Variants in NPSR1 observed in about 807,000 individuals in gnomAD.
NPSR1 encodes neuropeptide S receptor.
Under a neutral mutation model 46.9 loss-of-function variants are expected in NPSR1, and 48 were observed. The observed-to-expected ratio is 1.02, with a 90% CI of 0.81 to 1.30. The LOEUF is 1.30. Among genes scored for constraint, NPSR1 ranks in the 50% most tolerant of loss-of-function variants. NPSR1 has a pLI of 0.00. For synonymous variants in NPSR1, 176 were observed against 168.1 expected, an observed-to-expected ratio of 1.05 and a Z score of -0.36; for missense variants, 450 against 449.5, an observed-to-expected ratio of 1.00 and a Z score of -0.01.
chr7:34,850,649 C>G (rs1790909889), downstream of NPSR1, among the ~76,000 whole-genome samples: 2 of 152,148 alleles, frequency 1.3e-5, no homozygotes, highest in African/African-American at 4.8e-5. Context: ...ATCTGCCTGC[C>G]TTGGCCTCCC....
chr7:34,780,176 T>C (rs1224809212), intron 3 of NPSR1, among the ~76,000 whole-genome samples: 3 of 152,198 alleles, frequency 2.0e-5, no homozygotes, highest in Non-Finnish European at 4.4e-5. Flanking sequence ...CATATGATTA[T>C]TTTGGTTGTA....
intron 1 of NPSR1, among the ~76,000 whole-genome samples, chr7:34,663,079 G>GTGTGTGTGTT (rs1554301936): frequency 2.9e-5 from 2 of 68,060 alleles, no homozygotes; most frequent in Non-Finnish European, 2.8e-5. Context: ...GTGTGTGTGT[G>GTGTGTGTGTT]TGTATGTGTG....
At chr7:34,782,940 T>C (rs1417889929) in intron 3 of NPSR1, among the ~76,000 whole-genome samples, 3 of 152,160 alleles carry the variant, frequency 2.0e-5, no homozygotes, top group African/African-American at 4.8e-5. Context: ...ACTGAAATTA[T>C]TTTTTAATTA....
chr7:34,677,469 A>T (rs1792376907), intron 1 of NPSR1, among the ~76,000 whole-genome samples: 2 of 152,296 alleles, frequency 1.3e-5, no homozygotes, highest in African/African-American at 4.8e-5. Context: ...GAGTTCACTG[A>T]TTTTATTCTC....
chr7:34,849,319 A>G (rs1790857070), intron 8 of NPSR1: 2 of 1,541,644 alleles, frequency 1.3e-6, no homozygotes, highest in African/African-American at 2.7e-5. Flanking sequence ...CATCTGTAAA[A>G]CAGGGCTAAT....
intron 3 of NPSR1, among the ~76,000 whole-genome samples, chr7:34,799,213 C>T (rs1562738182): frequency 6.6e-6 from 1 of 151,902 alleles, no homozygotes; most frequent in Non-Finnish European, 1.5e-5. Flanking sequence ...CACATGTATA[C>T]ATAAACACGT....
In NPSR1 at chr7:34,741,467, A is replaced by G. The variant is rs1246226760; in HGVS notation, c.281-36995A>G. On this transcript the variant is annotated intron_variant, in intron 2 of 8. Transcript: ENST00000360581. ...TCATTCTTCCTAGGATTCTTGATCT[A>G]TTGTTTGTCCTGACTGTTATCACCT... Among the ~76,000 whole-genome samples the G allele has an allele frequency of 3.9e-5, 6 of 152,096 alleles. No individual in the cohort carries two copies. The South Asian group carries it at 1.2e-3, about 32-fold the overall frequency.
At chr7:34,740,953 T>C (rs1345194612) in intron 2 of NPSR1, among the ~76,000 whole-genome samples, 1 of 152,192 alleles carries the variant, frequency 6.6e-6, no homozygotes, top group African/African-American at 2.4e-5. Context: ...ATCCTGGATA[T>C]GGAATTCTTG....
At chr7:34,851,276 C>T (rs1790927106), downstream of NPSR1, among the ~76,000 whole-genome samples, 1 of 148,980 alleles carries the variant, frequency 6.7e-6, no homozygotes, top group African/African-American at 2.5e-5. Context: ...GGTGTCAACT[C>T]AAAGTCTGCG....
intron 2 of NPSR1, among the ~76,000 whole-genome samples, chr7:34,741,580 T>C (rs1486091267): frequency 6.6e-6 from 1 of 152,198 alleles, no homozygotes; most frequent in Non-Finnish European, 1.5e-5. Flanking sequence ...GGGAATATTC[T>C]AAGTTAGGTA....
At chr7:34,709,919 G>A (rs746871306) in intron 2 of NPSR1, among the ~76,000 whole-genome samples, 1 of 152,046 alleles carries the variant, frequency 6.6e-6, no homozygotes. Context: ...CAGAACATGA[G>A]CAGATGGCAA....
intron 8 of NPSR1, among the ~76,000 whole-genome samples, chr7:34,875,484 T>G (rs1210224364): frequency 3.3e-5 from 5 of 152,180 alleles, no homozygotes; most frequent in African/African-American, 9.7e-5. Flanking sequence ...GGCTGCAAAT[T>G]CAGGCAGATC....
intron 5 of NPSR1, among the ~76,000 whole-genome samples, chr7:34,833,225 A>G (rs1310074375): frequency 2.0e-5 from 3 of 152,238 alleles, no homozygotes; most frequent in Non-Finnish European, 4.4e-5. Context: ...AAAATAAAGC[A>G]TTGCTTTGTC....
Position 34,849,628 on chromosome 7 carries a change from G to T in NPSR1, c.1089G>T (p.Gln363His). ...FRERTERHEM[Q>H]ILSKPEFI ...AGAGAACTGAGAGGCATGAGATGCA[G>T]ATTCTGTCCAAGCCAGAATTCATCT... Residue 363 changes from glutamine to histidine, a missense_variant, in exon 9 of 9, where the codon CAG becomes CAT. Physicochemically the swap from Gln to His is conservative, Grantham distance 24. Coordinates refer to ENST00000360581, the MANE Select transcript of NPSR1 (RefSeq NM_207172.2). 6.2e-7 allele frequency: 1 copy of T among 1,614,092 alleles called. No homozygotes were observed.
At chr7:34,678,263 C>T (rs1056541234) in intron 1 of NPSR1, among the ~76,000 whole-genome samples, 11 of 138,532 alleles carry the variant, frequency 7.9e-5, no homozygotes, top group Non-Finnish European at 1.2e-4. Flanking sequence ...CATTCTATCT[C>T]CAGGCTGGAG....
intron 1 of NPSR1, among the ~76,000 whole-genome samples, chr7:34,665,403 A>G (rs1443027540): frequency 6.6e-6 from 1 of 152,090 alleles, no homozygotes; most frequent in Non-Finnish European, 1.5e-5. Context: ...GGCAACAGAA[A>G]CGCCCCCAGG....
At chr7:34,745,879 G>A (rs942875382) in intron 2 of NPSR1, among the ~76,000 whole-genome samples, 1 of 152,188 alleles carries the variant, frequency 6.6e-6, no homozygotes, top group Admixed American at 6.5e-5. Flanking sequence ...TTGCACATCT[G>A]ATTTCTGTGT....
chr7:34,784,908 T>G (rs1413486730), intron 3 of NPSR1, among the ~76,000 whole-genome samples: 1 of 151,990 alleles, frequency 6.6e-6, no homozygotes, highest in East Asian at 1.9e-4. Context: ...TGTGGAGAAA[T>G]AGGAACACTT....
At chr7:34,665,509 C>G in intron 1 of NPSR1, among the ~76,000 whole-genome samples, 1 of 152,186 alleles carries the variant, frequency 6.6e-6, no homozygotes, top group East Asian at 1.9e-4. Context: ...CTTTCACATT[C>G]TGACCCAATC....
Sources: allele counts gnomAD v4.1 joint callset (sites outside exome capture counted in the v4.1 genomes callset), GRCh38; gene constraint gnomAD v4.1.1; transcripts MANE v1.5; gene names NCBI Gene and HGNC (gene_info 2026-07-23, HGNC 2026-07-21).